Variants in AMZ2 observed in about 807,000 individuals in gnomAD.
AMZ2 encodes the protein archaelysin family metallopeptidase 2.
A neutral mutation model predicts 36.7 loss-of-function variants in AMZ2; 26 were observed. The observed-to-expected ratio is 0.71, with a 90% CI of 0.52 to 0.98. The LOEUF (loss-of-function observed/expected upper bound fraction) is 0.98, where lower values mean the gene tolerates loss of function less well. AMZ2 is among the 50% of genes least tolerant of loss of function. The pLI, the probability that AMZ2 is intolerant of heterozygous loss-of-function variation, is 0.00. For synonymous variants in AMZ2, 144 were observed against 149.1 expected, an observed-to-expected ratio of 0.97 and a Z score of 0.25; for missense variants, 394 against 430.5, an observed-to-expected ratio of 0.92 and a Z score of 0.75.
intron 4 of AMZ2, chr17:68,251,462 A>C (rs1467772223): frequency 3.3e-6 from 1 of 304,098 alleles, no homozygotes; most frequent in East Asian, 8.6e-5. Context: ...AGTGTGGATA[A>C]GCCTGGACAA....
Position 68,250,231 on chromosome 17 carries a change from T to G in AMZ2, c.44T>G (p.Leu15Arg), listed in dbSNP as rs782096982. ...TCCGAACAGACACTAAAAACAGCTC[T>G]CATCTCAAAGAACCCAGTGCTTGTA... is the stretch of plus-strand genomic sequence containing the variant. Reference protein sequence around the residue: ...RHSEQTLKTALISKNPVLVSQ... With the variant: ...RHSEQTLKTARISKNPVLVSQ... The change falls in exon 2 of 7, where the codon CTC (leucine) becomes CGC (arginine). Residue 15 changes from leucine to arginine, a missense_variant. Transcript: ENST00000359904. 3.0e-5 allele frequency: 49 copies of G among 1,614,102 alleles called. No individual in the cohort carries two copies. Among genetic ancestry groups the G allele is most frequent in the Non-Finnish European group, 4.2e-5 (49 of 1,180,046 alleles).
At chr17:68,211,802 ATATGTATATAT>A (rs2073067701) in intron 1 of AMZ2, among the ~76,000 whole-genome samples, 1 of 133,450 alleles carries the variant, frequency 7.5e-6, no homozygotes, top group African/African-American at 2.6e-5. Context: ...ATATATGTGT[ATATGTATATAT>A]GTATGTGTAT....
rs782103185 is a variant in AMZ2 at position 68,250,474 on chromosome 17, A to G, written c.283+4A>G. 6 of 1,612,536 alleles carry G rather than the reference A, an allele frequency of 3.7e-6. No individual in the cohort carries two copies. Among genetic ancestry groups the G allele is most frequent in the Non-Finnish European group, 4.2e-6 (5 of 1,179,136 alleles). ...AGCATTTATATACAGTCCATTGGTAAATACTGGTAATGTGCTGGTTTTGGT... is the reference window on the plus strand; with the variant it reads ...AGCATTTATATACAGTCCATTGGTAGATACTGGTAATGTGCTGGTTTTGGT... On this transcript the variant is annotated splice_donor_region_variant and intron_variant, in intron 2 of 6. Coordinates refer to ENST00000359904, the MANE Select transcript of AMZ2 (RefSeq NM_016627.5).
At chr17:68,248,881 A>T in intron 1 of AMZ2, 176 bp downstream of exon 1, 1 of 686,338 alleles carries the variant, frequency 1.5e-6, no homozygotes, top group East Asian at 6.8e-5. Flanking sequence ...TATAGGTTCA[A>T]TCAGAACAGA....
intron 1 of AMZ2, among the ~76,000 whole-genome samples, chr17:68,236,544 T>C (rs2144624609): frequency 6.6e-6 from 1 of 150,730 alleles, no homozygotes; most frequent in South Asian, 2.1e-4. Flanking sequence ...CCTTCTAACA[T>C]TATTAACATT....
chr17:68,247,875 G>C (rs1448556770), upstream of AMZ2: 1 of 985,446 alleles, frequency 1.0e-6, no homozygotes, highest in African/African-American at 1.7e-5. Flanking sequence ...TTCTGGAAGA[G>C]GCGGGTCGCG....
At chr17:68,210,719 G>A (rs1310371755) in intron 1 of AMZ2, among the ~76,000 whole-genome samples, 1 of 152,146 alleles carries the variant, frequency 6.6e-6, no homozygotes. Flanking sequence ...GGGCCACGGT[G>A]GGAGGATCAC....
In AMZ2 at chr17:68,213,001, T is replaced by G. The variant is rs115437315; in HGVS notation, c.-67+6763T>G. 6.6e-3 allele frequency among the ~76,000 whole-genome samples: 1,013 copies of G among 152,334 alleles called. 16 individuals carry two copies. The highest frequency in any genetic ancestry group is 0.023 in the African/African-American group (959 of 41,560). ...ATCAAATCTTCAGGAACCAATTCAT[T>G]ACCATTAAAAATGATCTAACAAGCT... On this transcript the variant is annotated intron_variant, in intron 1 of 7. Coordinates refer to the AMZ2 transcript ENST00000674770.
At chr17:68,225,746 C>T (rs181710580) in intron 1 of AMZ2, among the ~76,000 whole-genome samples, 9 of 152,118 alleles carry the variant, frequency 5.9e-5, no homozygotes, top group Admixed American at 5.2e-4. Context: ...CCTCAGCCTC[C>T]CAAGTAGCTG....
chr17:68,209,632 A>ATTTTTTTTTTTTTTTTTTT (rs1224207690), intron 1 of AMZ2, among the ~76,000 whole-genome samples: 2 of 90,690 alleles, frequency 2.2e-5, no homozygotes, highest in African/African-American at 9.9e-5. Flanking sequence ...ATATATATAT[A>ATTTTTTTTTTTTTTTTTTT]TTTTTTTTTT....
At chr17:68,217,236 CTG>C (rs1230759105) in intron 1 of AMZ2, among the ~76,000 whole-genome samples, 4 of 147,498 alleles carry the variant, frequency 2.7e-5, no homozygotes, top group African/African-American at 1.0e-4. Context: ...TGACAAATAC[CTG>C]TGGGTGAATT....
In AMZ2 at chr17:68,248,383, C is replaced by T; in HGVS notation, c.-323C>T. On this transcript the variant is annotated 5_prime_UTR_variant, in exon 1 of 7. Transcript: ENST00000359904. ...GGAGACTGGGTTGTGTCTGCATGGA[C>T]CAGAGCCCACAGTGCGAGTTGCTAT... is the stretch of plus-strand genomic sequence containing the variant. The T allele has an allele frequency of 1.0e-6, 1 of 986,006 alleles. No homozygotes were observed. The highest frequency in any genetic ancestry group is 1.1e-4 in the East Asian group (1 of 8,810). The allele number at this position is 986,006 out of a possible 1,614,324, so 61.1% of individuals were successfully genotyped here.
In AMZ2 at chr17:68,250,174, CT is replaced by C. The variant is rs782440317; in HGVS notation, c.1-6del. 5.0e-6 allele frequency: 8 copies of C among 1,602,500 alleles called. No individual in the cohort carries two copies. Among genetic ancestry groups the C allele is most frequent in the South Asian group, 2.2e-5 (2 of 89,814 alleles). On this transcript the variant is annotated splice_polypyrimidine_tract_variant and intron_variant, in intron 1 of 6. Coordinates refer to ENST00000359904, the MANE Select transcript of AMZ2 (RefSeq NM_016627.5). Reference sequence around the variant, plus strand: ...ATGTATTTTTATATTTGATTACTTGCTTTTTTTTGTTAGATGCAAATAATAC... The same window carrying C: ...ATGTATTTTTATATTTGATTACTTGCTTTTTTTGTTAGATGCAAATAATAC...
chr17:68,211,820 G>GTATGTATGTATATGTATA (rs2073070813), intron 1 of AMZ2, among the ~76,000 whole-genome samples: 2 of 126,158 alleles, frequency 1.6e-5, no homozygotes, highest in African/African-American at 2.9e-5. Flanking sequence ...ATATGTATGT[G>GTATGTATGTATATGTATA]TATGTATATG....
At chr17:68,209,974 C>T (rs1049190322) in intron 1 of AMZ2, among the ~76,000 whole-genome samples, 1 of 151,944 alleles carries the variant, frequency 6.6e-6, no homozygotes, top group African/African-American at 2.4e-5. Flanking sequence ...AAAACCCAAA[C>T]CACAATGAGA....
intron 1 of AMZ2, among the ~76,000 whole-genome samples, chr17:68,213,996 A>G (rs1445145469): frequency 6.7e-6 from 1 of 150,358 alleles, no homozygotes; most frequent in Non-Finnish European, 1.5e-5. Context: ...TGTCCTGGAT[A>G]TAGTATTTTC....
At chr17:68,209,599 TG>T in intron 1 of AMZ2, among the ~76,000 whole-genome samples, 1 of 78,088 alleles carries the variant, frequency 1.3e-5, no homozygotes, top group East Asian at 4.2e-4. Flanking sequence ...TGTGTGTGTG[TG>T]TGTGTATATG....
chr17:68,227,611 A>C (rs1461641197), intron 1 of AMZ2, among the ~76,000 whole-genome samples: 2 of 152,132 alleles, frequency 1.3e-5, no homozygotes, highest in Non-Finnish European at 2.9e-5. Context: ...GCATCGCTCC[A>C]GTCTTCAAGG....
chr17:68,225,107 G>T (rs1453914117), intron 1 of AMZ2, among the ~76,000 whole-genome samples: 5 of 152,086 alleles, frequency 3.3e-5, no homozygotes, highest in South Asian at 4.1e-4. Flanking sequence ...CAGGAGAATT[G>T]CTTGAACTTG....
Sources: gnomAD v4.1 joint callset for allele counts (sites outside exome capture counted in the v4.1 genomes callset) on GRCh38, gnomAD v4.1.1 for gene constraint, MANE v1.5 for transcripts, NCBI Gene and HGNC (gene_info 2026-07-23, HGNC 2026-07-21) for gene names.